The following COPG2 variants were observed in gnomAD, a reference collection of about 807,000 sequenced individuals.
COPG2 encodes coatomer subunit gamma-2.
COPG2 carries 37 observed loss-of-function variants against 46.3 expected under a neutral mutation model. The observed-to-expected ratio is 0.80, with a 90% confidence interval of 0.61 to 1.05. The LOEUF (loss-of-function observed/expected upper bound fraction) is 1.05, where lower values mean the gene tolerates loss of function less well. COPG2 is among the 50% of genes least tolerant of loss of function. COPG2 has a pLI of 0.00. For synonymous variants in COPG2, 159 were observed against 129.7 expected (o/e 1.23, Z -1.53); for missense variants, 427 against 387.8 (o/e 1.10, Z -0.85).
chr7:130,602,690 C>G (rs1023800683), intron 9 of COPG2: 1 of 152,266 alleles, frequency 6.6e-6, no homozygotes, highest in Non-Finnish European at 1.5e-5. Context: ...CCAGGCTGGT[C>G]TCGAACTCCT....
chr7:130,625,147 C>T (rs538438168), intron 5 of COPG2, among the ~76,000 whole-genome samples: 1 of 152,094 alleles, frequency 6.6e-6, no homozygotes, highest in South Asian at 2.1e-4. Flanking sequence ...TTTTAATTTG[C>T]TTTTCCTAGA....
Position 130,659,931 on chromosome 7 carries a change from A to T in COPG2, c.243+3036T>A, listed in dbSNP as rs1052056087. On this transcript the variant is annotated intron_variant, in intron 4 of 23. Coordinates refer to ENST00000425248, the MANE Select transcript of COPG2 (RefSeq NM_012133.6). ...ACAACAACAACATTGCAAAAGAAGA[A>T]GATGTTATTTTTATATTTTAAGACA... Among the ~76,000 whole-genome samples the T allele has an allele frequency of 4.6e-5, 7 of 152,116 alleles. 2 individuals are homozygous for T. Among genetic ancestry groups the T allele is most frequent in the Middle Eastern group, 6.8e-3 (2 of 294 alleles).
intron 5 of COPG2, among the ~76,000 whole-genome samples, chr7:130,620,944 C>T (rs1167735998): frequency 6.6e-6 from 1 of 152,128 alleles, no homozygotes; most frequent in East Asian, 1.9e-4. Context: ...CTTAAATGCA[C>T]TTTATATGGC....
At chr7:130,615,912 C>G (rs1554452772) in intron 6 of COPG2, among the ~76,000 whole-genome samples, 1 of 152,156 alleles carries the variant, frequency 6.6e-6, no homozygotes. Context: ...TAAATTTCCC[C>G]CACTCCTTAG....
intron 5 of COPG2, among the ~76,000 whole-genome samples, chr7:130,643,307 A>C (rs1049009239): frequency 5.3e-5 from 8 of 151,564 alleles, no homozygotes; most frequent in East Asian, 3.9e-4. Flanking sequence ...AAAAAAAAAA[A>C]CCCACAAAAA....
chr7:130,513,578 G>A (rs1238825004), intron 20 of COPG2, among the ~76,000 whole-genome samples: 1 of 151,668 alleles, frequency 6.6e-6, no homozygotes, highest in Admixed American at 6.6e-5. Context: ...CTGGTGTCAT[G>A]AGGAAGTGCC....
At chr7:130,525,978 G>A (rs1173198130) in intron 20 of COPG2, among the ~76,000 whole-genome samples, 2 of 85,030 alleles carry the variant, frequency 2.4e-5, no homozygotes, top group Non-Finnish European at 5.0e-5. Context: ...AGCCTGAATG[G>A]GTAACGAAAG....
chr7:130,576,594 ATCAAAAGCTCAAAAGT>A (rs1207446346), intron 9 of COPG2, among the ~76,000 whole-genome samples: 4 of 152,214 alleles, frequency 2.6e-5, no homozygotes, highest in Admixed American at 6.5e-5. Flanking sequence ...ATAGCCCTCC[ATCAAAAGCTCAAAAGT>A]TCAAAAGCTC....
At chr7:130,634,131 T>C (rs1554455661) in intron 5 of COPG2, among the ~76,000 whole-genome samples, 1 of 152,210 alleles carries the variant, frequency 6.6e-6, no homozygotes, top group East Asian at 1.9e-4. Flanking sequence ...ATCCTTGTAG[T>C]ATAGTTTGAA....
At chr7:130,643,208 T>C (rs1022136406) in intron 5 of COPG2, among the ~76,000 whole-genome samples, 15 of 147,226 alleles carry the variant, frequency 1.0e-4, no homozygotes, top group Admixed American at 9.5e-4. Context: ...GGCAGTAGGA[T>C]GGCATGAACC....
chr7:130,522,804 T>C (rs1235455206), intron 20 of COPG2, among the ~76,000 whole-genome samples: 2 of 151,928 alleles, frequency 1.3e-5, no homozygotes, highest in African/African-American at 4.8e-5. Context: ...AAAACAGGTA[T>C]AAAGGGGCAT....
At chr7:130,655,797 T>C (rs1795838360) in intron 4 of COPG2, among the ~76,000 whole-genome samples, 1 of 152,194 alleles carries the variant, frequency 6.6e-6, no homozygotes. Flanking sequence ...ATCTGAAAAC[T>C]GTTATGTCAT....
intron 20 of COPG2, among the ~76,000 whole-genome samples, chr7:130,523,186 C>T (rs1411073929): frequency 1.3e-5 from 2 of 148,682 alleles, no homozygotes; most frequent in Non-Finnish European, 3.0e-5. Context: ...TCCAGGTGGC[C>T]ATAGGGAGTC....
At chr7:130,515,162 A>AT (rs1799668973) in intron 20 of COPG2, among the ~76,000 whole-genome samples, 1 of 152,164 alleles carries the variant, frequency 6.6e-6, no homozygotes, top group Non-Finnish European at 1.5e-5. Flanking sequence ...CTGTTCTCAC[A>AT]TTGCTATAAA....
At chr7:130,593,340 G>A (rs1205411084) in intron 9 of COPG2, among the ~76,000 whole-genome samples, 1 of 152,238 alleles carries the variant, frequency 6.6e-6, no homozygotes, top group African/African-American at 2.4e-5. Context: ...CTCCTTGGTT[G>A]TTATTAATGG....
chr7:130,649,275 G>C (rs542813614), intron 5 of COPG2, among the ~76,000 whole-genome samples: 1 of 152,150 alleles, frequency 6.6e-6, no homozygotes, highest in African/African-American at 2.4e-5. Context: ...TTTCCTGACC[G>C]TGAAACTCCT....
chr7:130,643,628 A>G (rs1445078125), intron 5 of COPG2, among the ~76,000 whole-genome samples: 1 of 152,158 alleles, frequency 6.6e-6, no homozygotes, highest in Non-Finnish European at 1.5e-5. Context: ...CTGCAGATAA[A>G]AGAAGGGAAT....
At chr7:130,655,802 T>C (rs1795838486) in intron 4 of COPG2, among the ~76,000 whole-genome samples, 1 of 152,226 alleles carries the variant, frequency 6.6e-6, no homozygotes, top group Non-Finnish European at 1.5e-5. Context: ...AAAACTGTTA[T>C]GTCATAAATT....
chr7:130,609,540 T>C (rs537773756), intron 9 of COPG2, among the ~76,000 whole-genome samples: 1 of 152,240 alleles, frequency 6.6e-6, no homozygotes, highest in Non-Finnish European at 1.5e-5. Context: ...TATGTCTTTA[T>C]CAGCAGCATG....
Sources: allele counts gnomAD v4.1 joint callset (sites outside exome capture counted in the v4.1 genomes callset), GRCh38; gene constraint gnomAD v4.1.1; transcripts MANE v1.5; gene names NCBI Gene and HGNC (gene_info 2026-07-23, HGNC 2026-07-21).